Variants in PPIL2 observed in about 807,000 individuals in gnomAD.
PPIL2 encodes the protein RING-type E3 ubiquitin-protein ligase PPIL2.
In PPIL2, 50 loss-of-function variants were observed where a neutral mutation model predicts 75.2. That is an observed-to-expected ratio of 0.66 (90% CI 0.53 to 0.84). The LOEUF (loss-of-function observed/expected upper bound fraction) is 0.84. Ranked by LOEUF, PPIL2 falls within the 40% of genes least tolerant of loss-of-function variation. PPIL2 has a pLI of 0.00. For synonymous variants in PPIL2, 245 were observed against 258.8 expected, an observed-to-expected ratio of 0.95 and a Z score of 0.51; for missense variants, 590 against 685.0, an observed-to-expected ratio of 0.86 and a Z score of 1.55.
chr22:21,673,251 T>C (rs537465423), intron 5 of PPIL2, among the ~76,000 whole-genome samples: 2 of 152,314 alleles, frequency 1.3e-5, no homozygotes, highest in South Asian at 2.1e-4. Flanking sequence ...GGGAGCCACA[T>C]TGGATCCCAG....
At position 21,688,769 on chromosome 22, in the gene PPIL2, G is replaced by A. The variant is rs1020415775; in HGVS notation, c.1059G>A (p.Glu353=). The A allele has an allele frequency of 1.1e-5, 17 of 1,614,102 alleles. No individual in the cohort carries two copies. The African/African-American group carries it at 2.0e-4, about 19-fold the overall frequency. Residue 353 remains glutamate, a synonymous_variant, in exon 15 of 20, where the codon GAG becomes GAA. Transcript: ENST00000398831. ...ACTGGGGGAAGCCCTTCAAAGACGA[G>A]TTCCGGCCCAACCTCTCGCACACGG... is the stretch of plus-strand genomic sequence containing the variant. ...ESYWGKPFKD[E]FRPNLSHTGR... is the part of the protein sequence containing the mutation.
intron 10 of PPIL2, chr22:21,685,859 G>A (rs2067337751): frequency 3.3e-6 from 1 of 303,620 alleles, no homozygotes; most frequent in African/African-American, 2.3e-5. Flanking sequence ...GTTTAGTGTA[G>A]AAAGTTTGAA....
chr22:21,690,957 CTTTTTTTTTT>C (rs34639269), intron 15 of PPIL2, among the ~76,000 whole-genome samples: 1 of 64,706 alleles, frequency 1.5e-5, no homozygotes, highest in African/African-American at 6.1e-5. Flanking sequence ...GCCACCTTCT[CTTTTTTTTTT>C]TTTTTTTTTT....
At chr22:21,699,151 C>T (rs955543149), downstream of PPIL2, 4 of 152,544 alleles carry the variant, frequency 2.6e-5, no homozygotes, top group Admixed American at 2.6e-4. Context: ...CTGCCTGGAC[C>T]GCAGGTCTGG....
At position 21,697,056 on chromosome 22, in the gene PPIL2, T is replaced by C. The variant is rs531233917; in HGVS notation, c.*1566T>C. On this transcript the variant is annotated 3_prime_UTR_variant, in exon 20 of 20. Transcript: ENST00000398831. ...TGTCTGTGACCATTGGTCGGGCCCC[T>C]GGGCTCTAGAGTGACTTTTGACGCC... The C allele has an allele frequency of 6.8e-7, 1 of 1,475,476 alleles. No homozygotes were observed. The allele number at this position is 1,475,476 out of a possible 1,614,324, so 91.4% of individuals were successfully genotyped here.
chr22:21,675,179 C>A, intron 6 of PPIL2, 64 bp downstream of exon 6: 1 of 1,404,812 alleles, frequency 7.1e-7, no homozygotes, highest in Non-Finnish European at 1.0e-6. Flanking sequence ...CAGCTCTCAC[C>A]AGTTTTCATA....
At chr22:21,682,399 G>A (rs749687327) in intron 7 of PPIL2, 38 bp from the exon 8 acceptor site, 1 of 1,564,612 alleles carries the variant, frequency 6.4e-7, no homozygotes, top group Non-Finnish European at 8.8e-7. Flanking sequence ...GCCAAGGCTT[G>A]GGGCAGGCAT....
At chr22:21,666,258 C>T in intron 1 of PPIL2, 127 bp downstream of exon 1, 1 of 1,112,120 alleles carries the variant, frequency 9.0e-7, no homozygotes. Flanking sequence ...CACTTCCTCC[C>T]GGAAGCTGCC....
At chr22:21,687,987 C>G (rs1232739877) in intron 13 of PPIL2, 86 bp from the exon 14 acceptor site, 1 of 1,544,518 alleles carries the variant, frequency 6.5e-7, no homozygotes, top group East Asian at 2.2e-5. Flanking sequence ...GTGGAGCCAT[C>G]TGGCAGGAGG....
At chr22:21,667,357 T>C (rs2066433090) in intron 1 of PPIL2, among the ~76,000 whole-genome samples, 1 of 152,034 alleles carries the variant, frequency 6.6e-6, no homozygotes, top group South Asian at 2.1e-4. Flanking sequence ...GGTTTCTCCA[T>C]GTTGGTCAGG....
At chr22:21,688,327 G>A (rs1361307928) in intron 14 of PPIL2, among the ~76,000 whole-genome samples, 3 of 152,180 alleles carry the variant, frequency 2.0e-5, no homozygotes, top group Admixed American at 1.3e-4. Flanking sequence ...AAGAGTGTGT[G>A]GTCTCTTCCC....
chr22:21,683,381 T>C, intron 9 of PPIL2, 124 bp downstream of exon 9: 1 of 778,572 alleles, frequency 1.3e-6, no homozygotes, highest in South Asian at 1.6e-5. Flanking sequence ...GGCCCTGCAT[T>C]TTCTGAACTA....
chr22:21,682,802 G>A (rs1326258924), intron 8 of PPIL2, among the ~76,000 whole-genome samples: 2 of 152,226 alleles, frequency 1.3e-5, no homozygotes, highest in African/African-American at 4.8e-5. Flanking sequence ...TAGAAAAGCA[G>A]GTGCTGGCTG....
rs1163256639 is a variant in PPIL2 at position 21,684,912 on chromosome 22, C to G, written c.713C>G (p.Ala238Gly). The G allele has an allele frequency of 6.2e-7, 1 of 1,613,820 alleles. No individual in the cohort carries two copies. The highest frequency in any genetic ancestry group is 1.1e-5 in the South Asian group (1 of 91,072). ...AAGAAGAAAGTGGACAAGCTGAACG[C>G]TGTGAGTGGCGGAGGGCACTCGGCC... ...PEKKKVDKLN[A>G]AHYSTGKVSA... The change falls in exon 10 of 20, where the codon GCT (alanine) becomes GGT (glycine). Residue 238 changes from alanine to glycine, a missense_variant and splice_region_variant. By Grantham distance (60) the Ala-to-Gly change is moderately conservative. Coordinates refer to ENST00000398831, the MANE Select transcript of PPIL2 (RefSeq NM_014337.4).
In PPIL2 at chr22:21,672,381, GGTAGGTGGCT is replaced by G; in HGVS notation, c.243+3_243+12del. ...ACGGGACCAACCCCAGCAATGGAGA[GGTAGGTGGCT>G]GTGCAGGAGTTTCAGTGATGCTAGT... On this transcript the variant is annotated splice_donor_variant and splice_donor_5th_base_variant and intron_variant, in intron 5 of 19. Transcript: ENST00000398831. LOFTEE classifies it high-confidence loss of function. 1 of 1,606,834 alleles carries G rather than the reference GGTAGGTGGCT, an allele frequency of 6.2e-7. No individual in the cohort carries two copies. Among genetic ancestry groups the G allele is most frequent in the Non-Finnish European group, 8.5e-7 (1 of 1,173,344 alleles).
At chr22:21,680,019 G>A (rs957576815) in intron 6 of PPIL2, among the ~76,000 whole-genome samples, 4 of 151,902 alleles carry the variant, frequency 2.6e-5, no homozygotes, top group African/African-American at 9.7e-5. Flanking sequence ...GAACCCGGGA[G>A]GCGGAGCTTG....
At chr22:21,681,178 G>A in intron 6 of PPIL2, 121 bp from the exon 7 acceptor site, 1 of 773,878 alleles carries the variant, frequency 1.3e-6, no homozygotes, top group South Asian at 1.6e-5. Flanking sequence ...CTGACATGGG[G>A]TTCCACCTCC....
At chr22:21,692,374 T>G (rs959449120) in intron 15 of PPIL2, among the ~76,000 whole-genome samples, 2 of 151,356 alleles carry the variant, frequency 1.3e-5, no homozygotes, top group East Asian at 4.0e-4. Context: ...GAGGATGGTC[T>G]CGATCTCCTG....
At chr22:21,694,887 CT>C in intron 18 of PPIL2, 49 bp from the exon 19 acceptor site, 1 of 1,600,070 alleles carries the variant, frequency 6.2e-7, no homozygotes, top group Non-Finnish European at 8.5e-7. Flanking sequence ...AGCCTAGCAT[CT>C]GTCCTGCCCG....
Sources: gnomAD v4.1 joint callset for allele counts (sites outside exome capture counted in the v4.1 genomes callset) on GRCh38, gnomAD v4.1.1 for gene constraint, MANE v1.5 for transcripts, NCBI Gene and HGNC (gene_info 2026-07-23, HGNC 2026-07-21) for gene names.